Variants in LAMA1 observed in about 807,000 individuals in gnomAD.
The protein encoded by LAMA1 is laminin subunit alpha-1.
In LAMA1, 219 loss-of-function variants were observed where a neutral mutation model predicts 348.7. The observed-to-expected ratio is 0.63, with a 90% confidence interval of 0.56 to 0.70. LAMA1 has a LOEUF of 0.70. LAMA1 is among the 30% of genes least tolerant of loss of function. LAMA1 has a pLI of 0.00. For synonymous variants in LAMA1, 1,487 were observed against 1,491.0 expected (o/e 1.00, Z 0.06); for missense variants, 3,744 against 3,888.0 (o/e 0.96, Z 0.99).
chr18:7,019,737 C>T (rs1253636763), intron 19 of LAMA1, among the ~76,000 whole-genome samples: 3 of 141,968 alleles, frequency 2.1e-5, no homozygotes, highest in Admixed American at 7.2e-5. Flanking sequence ...GCTGGAGTGC[C>T]GTGGCGCAAT....
intron 59 of LAMA1, 137 bp downstream of exon 59, chr18:6,948,964 C>T: frequency 8.7e-7 from 1 of 1,147,080 alleles, no homozygotes; most frequent in Non-Finnish European, 1.3e-6. Context: ...GTGGACATGC[C>T]TGCAAAGTAA....
In LAMA1 at chr18:7,023,700, G is replaced by A. The variant is rs1420471619; in HGVS notation, c.2490-325C>T. On this transcript the variant is annotated intron_variant, in intron 18 of 62. Coordinates refer to ENST00000389658, the MANE Select transcript of LAMA1 (RefSeq NM_005559.4). ...GCTGGGCACTGAGACGCACACATAG[G>A]AAAGACAGCACTGGCCTTCAGGAGC... is the stretch of plus-strand genomic sequence containing the variant. Among the ~76,000 whole-genome samples the A allele has an allele frequency of 2.6e-5, 4 of 152,276 alleles. No individual in the cohort carries two copies. In the East Asian group the frequency reaches 7.7e-4, roughly 29 times the overall value.
chr18:7,107,128 T>TTTC (rs1555669713), intron 1 of LAMA1, among the ~76,000 whole-genome samples: 1 of 151,090 alleles, frequency 6.6e-6, no homozygotes, highest in African/African-American at 2.4e-5. Context: ...CTCCTTTTTT[T>TTTC]TTTTTTTTGA....
In LAMA1 at chr18:6,961,681, G is replaced by T. The variant is rs60009920; in HGVS notation, c.7531C>A (p.Leu2511Met). 2.6e-3 allele frequency: 4,260 copies of T among 1,614,136 alleles called. 76 individuals carry two copies. In the African/African-American group the frequency reaches 0.049, roughly 18 times the overall value. ...PKSLSPESEWLVTFATTNSSG... is the reference protein window; with the variant it reads ...PKSLSPESEWMVTFATTNSSG... ...CTGTTCGTGGTGGCAAATGTTACCA[G>T]CCATTCTGATTCTGGTGACAAAGAT... Residue 2511 changes from leucine to methionine, a missense_variant, in exon 53 of 63, where the codon CTG becomes ATG. Physicochemically the swap from Leu to Met is conservative, Grantham distance 15. Transcript: ENST00000389658.
intron 44 of LAMA1, among the ~76,000 whole-genome samples, chr18:6,977,339 A>C (rs1170054137): frequency 6.6e-6 from 1 of 152,178 alleles, no homozygotes; most frequent in East Asian, 1.9e-4. Context: ...GATTATTAAA[A>C]CTAAGTTGGT....
Position 7,044,746 on chromosome 18 carries a change from C to T in LAMA1, c.952G>A (p.Val318Met), listed in dbSNP as rs748409752. 23 of 1,613,852 alleles carry T rather than the reference C, an allele frequency of 1.4e-5. No homozygotes were observed. The highest frequency in any genetic ancestry group is 2.2e-5 in the South Asian group (2 of 91,078). The change falls in exon 7 of 63, where the codon GTG becomes ATG. Residue 318 changes from valine (V) to methionine (M), a missense_variant. Coordinates refer to ENST00000389658, the MANE Select transcript of LAMA1 (RefSeq NM_005559.4). The part of the protein sequence containing the change: ...YHQQPWRPGT[V>M]SSGNTCEACN... ...CCTTCACATGTATTGCCGGAGGACA[C>T]GGTTCCCGGCCTCCAGGGCTGCTGA...
rs375804587 is a variant in LAMA1, at chr18:7,013,923, G to C, written c.3255C>G (p.Pro1085=). 2.5e-6 allele frequency: 4 copies of C among 1,613,608 alleles called. No homozygotes were observed. Among genetic ancestry groups the C allele is most frequent in the Admixed American group, 1.7e-5 (1 of 59,968 alleles). The change falls in exon 23 of 63, where the codon CCC becomes CCG. Residue 1085 remains proline, a synonymous_variant. Transcript: ENST00000389658. ...GGTCACAGTCACAGGGAACACAGTCGGGAAAGTCTCTGTAACCCAAGGAAC... is the reference window on the plus strand; with the variant it reads ...GGTCACAGTCACAGGGAACACAGTCCGGAAAGTCTCTGTAACCCAAGGAAC... ...DQCSLGYRDF[P]DCVPCDCDLR... is the part of the protein sequence containing the mutation.
Position 6,942,168 on chromosome 18 carries a change from T to C in LAMA1, c.9139A>G (p.Lys3047Glu). The C allele has an allele frequency of 6.2e-7, 1 of 1,614,190 alleles. No homozygotes were observed. Among genetic ancestry groups the C allele is most frequent in the Non-Finnish European group, 8.5e-7 (1 of 1,180,038 alleles). Reference protein sequence around the residue: ...RGCLRKLALIKSPQVQSFDFS... With the variant: ...RGCLRKLALIESPQVQSFDFS... ...TCAAAGGACTGCACCTGCGGGCTCT[T>C]AATCAGAGCTAGCTTCCTCAAACAC... is the stretch of plus-strand genomic sequence containing the variant. The change falls in exon 63 of 63, where the codon AAG becomes GAG. Residue 3047 changes from lysine (K) to glutamate (E), a missense_variant. Transcript: ENST00000389658.
chr18:7,105,588 G>A (rs1474625014), intron 1 of LAMA1, among the ~76,000 whole-genome samples: 2 of 152,200 alleles, frequency 1.3e-5, no homozygotes, highest in Non-Finnish European at 2.9e-5. Context: ...TTGTATAAGG[G>A]AAGAAGGGGG....
chr18:7,022,315 A>G (rs981345715), intron 19 of LAMA1, among the ~76,000 whole-genome samples: 1 of 152,370 alleles, frequency 6.6e-6, no homozygotes, highest in Admixed American at 6.5e-5. Context: ...AAAACATTCT[A>G]CAAATCGTGA....
chr18:7,075,138 T>A (rs1156677905), intron 3 of LAMA1, among the ~76,000 whole-genome samples: 4 of 152,104 alleles, frequency 2.6e-5, no homozygotes, highest in Non-Finnish European at 5.9e-5. Context: ...CACAAACACA[T>A]TTATAATATT....
rs148066132 is a variant in LAMA1, at chr18:6,985,872, C to T, written c.5380-229G>A. ...CTCCCAAGTTCAAGCGATTCTGCTG[C>T]CTCAGCCTCCCGAGTAGCTGGGACT... is the stretch of plus-strand genomic sequence containing the variant. On this transcript the variant is annotated intron_variant, in intron 37 of 62. Coordinates refer to ENST00000389658, the MANE Select transcript of LAMA1 (RefSeq NM_005559.4). Among the ~76,000 whole-genome samples, 421 of 152,322 alleles carry T rather than the reference C, an allele frequency of 2.8e-3. 1 individual carries two copies. Among genetic ancestry groups the T allele is most frequent in the Non-Finnish European group, 4.6e-3 (315 of 68,032 alleles).
chr18:6,978,124 A>G lies in LAMA1; in HGVS notation c.6190+72T>C. The G allele has an allele frequency of 1.9e-6, 3 of 1,581,466 alleles. No individual in the cohort carries two copies. In the South Asian group the frequency reaches 3.3e-5, roughly 18 times the overall value. On this transcript the variant is annotated intron_variant, in intron 43 of 62. Coordinates refer to ENST00000389658, the MANE Select transcript of LAMA1 (RefSeq NM_005559.4). ...TCAGGAATGTTGTGAAAAACGCACC[A>G]CTGTGTGCTTAGCTAGCTCCACGTC...
At chr18:7,033,128 C>A (rs187349112) in intron 14 of LAMA1, 33 bp from the exon 15 acceptor site, 7 of 1,436,998 alleles carry the variant, frequency 4.9e-6, no homozygotes, top group Non-Finnish European at 6.8e-6. Context: ...GTGACTCACA[C>A]GCTCGCAAAT....
rs777704890 is a variant in LAMA1 at position 6,955,509 on chromosome 18, G to A, written c.8095-44C>T. ...GACACTCAGCCGCCACCCGCAGCCC[G>A]AACCCCACTGACACACGCGTGTTCC... is the stretch of plus-strand genomic sequence containing the variant. On this transcript the variant is annotated intron_variant, in intron 56 of 62. Transcript: ENST00000389658. The A allele has an allele frequency of 3.8e-5, 54 of 1,411,770 alleles. No homozygotes were observed. The South Asian group carries it at 5.1e-4, about 13-fold the overall frequency. The allele number at this position is 1,411,770 out of a possible 1,614,324, so 87.5% of individuals were successfully genotyped here.
intron 1 of LAMA1, among the ~76,000 whole-genome samples, chr18:7,082,892 T>G (rs2058198531): frequency 7.0e-6 from 1 of 142,568 alleles, no homozygotes; most frequent in Admixed American, 6.7e-5. Context: ...TCCCACTTGC[T>G]CCTTATTCAC....
In LAMA1 at chr18:7,093,853, C is replaced by T. The variant is rs571547253; in HGVS notation, c.62-13396G>A. Among the ~76,000 whole-genome samples, 4 of 150,444 alleles carry T rather than the reference C, an allele frequency of 2.7e-5. No individual in the cohort carries two copies. The South Asian group carries it at 8.5e-4, about 32-fold the overall frequency. ...GCAGTGTCACGATATCGGCTCCCCGCATCCTCCGCCTCCCGGGTTCAAGGG... is the reference window on the plus strand; with the variant it reads ...GCAGTGTCACGATATCGGCTCCCCGTATCCTCCGCCTCCCGGGTTCAAGGG... On this transcript the variant is annotated intron_variant, in intron 1 of 62. Coordinates refer to ENST00000389658, the MANE Select transcript of LAMA1 (RefSeq NM_005559.4).
rs576522112 is a variant in LAMA1, at chr18:7,038,521, G to C, written c.1563+289C>G. 9 of 456,824 alleles carry C rather than the reference G, an allele frequency of 2.0e-5. No homozygotes were observed. In the East Asian group the frequency reaches 3.6e-4, roughly 18 times the overall value. 28.3% of individuals were successfully genotyped at this position (456,824 alleles called of 1,614,324 possible). ...AGCAGGGGCGGGCGGAGGGAGAGCC[G>C]ACCTCCCCACCCAATCCATTTCCCC... On this transcript the variant is annotated intron_variant, in intron 11 of 62. Transcript: ENST00000389658.
rs772500543 is a variant in LAMA1, at chr18:7,013,798, G to A, written c.3363+17C>T. The A allele has an allele frequency of 6.2e-7, 1 of 1,607,944 alleles. No homozygotes were observed. Among genetic ancestry groups the A allele is most frequent in the South Asian group, 1.1e-5 (1 of 90,154 alleles). On this transcript the variant is annotated intron_variant, in intron 23 of 62. Coordinates refer to ENST00000389658, the MANE Select transcript of LAMA1 (RefSeq NM_005559.4). ...GAGCCAGAGACAGGATGAAAGAGGAGGATGGATGGTAAATACCTTGCAAGG... is the reference window on the plus strand; with the variant it reads ...GAGCCAGAGACAGGATGAAAGAGGAAGATGGATGGTAAATACCTTGCAAGG...
Sources: gnomAD v4.1 joint callset for allele counts (sites outside exome capture counted in the v4.1 genomes callset) on GRCh38, gnomAD v4.1.1 for gene constraint, MANE v1.5 for transcripts, NCBI Gene and HGNC (gene_info 2026-07-23, HGNC 2026-07-21) for gene names.